The following CHRNB4 variants were observed in gnomAD, a reference collection of about 807,000 sequenced individuals.
The protein encoded by CHRNB4 is neuronal acetylcholine receptor subunit beta-4.
A neutral mutation model predicts 40.4 loss-of-function variants in CHRNB4; 23 were observed. The ratio of observed to expected loss-of-function variants is 0.57; its 90% CI spans 0.41 to 0.81. The LOEUF (loss-of-function observed/expected upper bound fraction) is 0.81. Ranked by LOEUF, CHRNB4 falls within the 30% of genes least tolerant of loss-of-function variation. The probability of loss-of-function intolerance (pLI) is 0.00; values close to 1 mark genes in which losing one functional copy is unlikely to be tolerated. For synonymous variants in CHRNB4, 285 were observed against 274.4 expected (o/e 1.04, Z -0.38); for missense variants, 568 against 670.6 (o/e 0.85, Z 1.69).
chr15:78,635,315 G>C (rs1246420094), intron 2 of CHRNB4, 124 bp downstream of exon 2: 1 of 1,197,554 alleles, frequency 8.4e-7, no homozygotes. Context: ...CAGCCTCCCT[G>C]ACACGTACTG....
upstream of CHRNB4, among the ~76,000 whole-genome samples, chr15:78,643,567 A>G (rs2054099505): frequency 6.6e-6 from 1 of 152,222 alleles, no homozygotes; most frequent in African/African-American, 2.4e-5. Context: ...AGGTTAATAC[A>G]TATGAAATTG....
chr15:78,640,966 T>C (rs2054059144), intron 1 of CHRNB4, 113 bp downstream of exon 1: 2 of 1,228,106 alleles, frequency 1.6e-6, no homozygotes, highest in Admixed American at 4.5e-5. Context: ...CGGGACAATC[T>C]CGGGCCACTC....
chr15:78,625,349 C>A, intron 5 of CHRNB4, 58 bp from the exon 6 acceptor site: 1 of 1,460,874 alleles, frequency 6.8e-7, no homozygotes, highest in South Asian at 1.4e-5. Context: ...CCTCCTTTCC[C>A]CGAGTCAGGC....
upstream of CHRNB4, chr15:78,641,375 C>G (rs1049825046): frequency 6.6e-6 from 3 of 455,196 alleles, no homozygotes; most frequent in Non-Finnish European, 1.1e-5. Flanking sequence ...GCTTCCCTAT[C>G]TCTTCGGGCC....
At position 78,624,894 on chromosome 15, in the gene CHRNB4, C is replaced by G; in HGVS notation, c.*239G>C. ...GCCCGGTGCAGGGAAGGAAGACAGG[C>G]CAGAATTGAACTGTCTGAAGCTCCC... On this transcript the variant is annotated 3_prime_UTR_variant, in exon 6 of 6. Coordinates refer to ENST00000261751, the MANE Select transcript of CHRNB4 (RefSeq NM_000750.5). 1 of 1,384,446 alleles carries G rather than the reference C, an allele frequency of 7.2e-7. No individual in the cohort carries two copies. The highest frequency in any genetic ancestry group is 1.5e-5 in the South Asian group (1 of 68,042). 85.8% of individuals were successfully genotyped at this position (1,384,446 alleles called of 1,614,324 possible). A position where few individuals can be genotyped will look rare whatever the true frequency, so the allele number is the denominator to read the frequency against.
intron 4 of CHRNB4, among the ~76,000 whole-genome samples, chr15:78,630,152 T>C (rs1367813977): frequency 6.6e-6 from 1 of 151,594 alleles, no homozygotes; most frequent in African/African-American, 2.4e-5. Context: ...CCTTTTTTTT[T>C]TTTTTGAGAC....
intron 1 of CHRNB4, among the ~76,000 whole-genome samples, chr15:78,635,960 T>C (rs2053940479): frequency 1.3e-5 from 2 of 151,980 alleles, no homozygotes. Context: ...CAGGCTGGAG[T>C]GCGGTGGTGT....
rs551427947 is a variant in CHRNB4, at chr15:78,631,430, G to A, written c.205-98C>T. ...AAAAGGCTGTGAGCTCCAGGCCCAC[G>A]TGACCAACTGCCACCCCAACATCTC... On this transcript the variant is annotated intron_variant, in intron 2 of 5. Coordinates refer to ENST00000261751, the MANE Select transcript of CHRNB4 (RefSeq NM_000750.5). 79 of 1,132,660 alleles carry A rather than the reference G, an allele frequency of 7.0e-5. 1 individual carries two copies. The highest frequency in any genetic ancestry group is 1.2e-4 in the African/African-American group (8 of 64,730). The allele number at this position is 1,132,660 out of a possible 1,614,324, so 70.2% of individuals were successfully genotyped here. A position where few individuals can be genotyped will look rare whatever the true frequency, so the allele number is the denominator to read the frequency against.
chr15:78,654,997 C>T (rs374630731), intron 5 of CHRNB4, among the ~76,000 whole-genome samples: 55 of 152,226 alleles, frequency 3.6e-4, no homozygotes, highest in African/African-American at 1.3e-3. Flanking sequence ...ATCAACTGCA[C>T]ATTTTAAAAA....
intron 6 of CHRNB4, among the ~76,000 whole-genome samples, chr15:78,650,782 G>A (rs572915450): frequency 6.6e-6 from 1 of 152,304 alleles, no homozygotes; most frequent in Non-Finnish European, 1.5e-5. Context: ...AAACGAGGAG[G>A]GGGAAGAACA....
At chr15:78,630,041 C>T in intron 4 of CHRNB4, 96 bp from the exon 5 acceptor site, 1 of 1,335,318 alleles carries the variant, frequency 7.5e-7, no homozygotes, top group South Asian at 1.7e-5. Context: ...GGATTATTTC[C>T]CACTAATCAC....
upstream of CHRNB4, among the ~76,000 whole-genome samples, chr15:78,644,267 T>C (rs2054106056): frequency 7.0e-6 from 1 of 142,186 alleles, no homozygotes; most frequent in African/African-American, 2.5e-5. Flanking sequence ...GGTCTGAATC[T>C]GTCTTCCAAA....
intron 1 of CHRNB4, among the ~76,000 whole-genome samples, chr15:78,638,667 G>A (rs371200695): frequency 1.3e-5 from 2 of 152,352 alleles, no homozygotes; most frequent in African/African-American, 4.8e-5. Context: ...TAAACAGCAG[G>A]GATACTGGGG....
chr15:78,652,873 G>A lies in CHRNB4; in HGVS notation c.-109-202C>T, dbSNP rs146210252. On this transcript the variant is annotated intron_variant and NMD_transcript_variant, in intron 5 of 11. Transcript: ENST00000559849. ...CAATAAATGCTCAGAAATGATGGCGGCACTAGGGGTGGTGGTGGAATGGGA... is the reference window on the plus strand; with the variant it reads ...CAATAAATGCTCAGAAATGATGGCGACACTAGGGGTGGTGGTGGAATGGGA... Among the ~76,000 whole-genome samples, 528 of 152,328 alleles carry A rather than the reference G, an allele frequency of 3.5e-3. 3 individuals carry two copies. The highest frequency in any genetic ancestry group is 0.012 in the African/African-American group (485 of 41,580).
upstream of CHRNB4, among the ~76,000 whole-genome samples, chr15:78,645,941 T>TC (rs1251855813): frequency 6.6e-6 from 1 of 151,626 alleles, no homozygotes; most frequent in Non-Finnish European, 1.5e-5. Context: ...ACACCTGTAG[T>TC]CCCAGCTACT....
Position 78,629,388 on chromosome 15 carries a change from A to T in CHRNB4, c.917T>A (p.Val306Asp). Residue 306 changes from valine (V) to aspartate (D), a missense_variant, in exon 5 of 6, where the codon GTC (valine) becomes GAC (aspartate). Around this residue, in one of 4 missense-constraint regions of CHRNB4, gnomAD observed 242 missense variants for 274.9 expected, o/e 0.88. Coordinates refer to ENST00000261751, the MANE Select transcript of CHRNB4 (RefSeq NM_000750.5). The surrounding 1 kb of genome is among the most constrained non-coding windows in gnomAD (Gnocchi z 6.8). ...GACGCTGGTGACGATGGAGAAGGTG[A>T]CCAGCACCATGGTGAACATGAGGTA... ...GKYLMFTMVL[V>D]TFSIVTSVCV... 6.2e-7 allele frequency: 1 copy of T among 1,614,136 alleles called. No homozygotes were observed.
Position 78,629,791 on chromosome 15 carries a change from G to A in CHRNB4, c.514C>T (p.Arg172Cys), listed in dbSNP as rs777719189. ...TCCGTGTGGTCATAGGTCCAGGAGC[G>A]GAACTTGAGGGTGCAGTTCTGCTGG... is the stretch of plus-strand genomic sequence containing the variant. ...FDQQNCTLKF[R>C]SWTYDHTEID... The change falls in exon 5 of 6, where the codon CGC becomes TGC. Residue 172 changes from arginine (R) to cysteine (C), a missense_variant. By Grantham distance (180) the Arg-to-Cys change is radical. Around this residue, in one of 4 missense-constraint regions of CHRNB4, gnomAD observed 127 missense variants for 167.4 expected, o/e 0.76. Coordinates refer to ENST00000261751, the MANE Select transcript of CHRNB4 (RefSeq NM_000750.5). The surrounding 1 kb of genome is among the most constrained non-coding windows in gnomAD (Gnocchi z 6.8). The A allele has an allele frequency of 1.4e-5, 23 of 1,614,104 alleles. No homozygotes were observed. The highest frequency in any genetic ancestry group is 3.3e-5 in the South Asian group (3 of 91,074).
chr15:78,660,689 T>A (rs576359237), upstream of CHRNB4: 2 of 193,464 alleles, frequency 1.0e-5, no homozygotes, highest in African/African-American at 4.7e-5. Context: ...CAGCCTTCGA[T>A]GCAGGAAATA....
At chr15:78,633,056 T>C (rs1352815700) in intron 2 of CHRNB4, among the ~76,000 whole-genome samples, 2 of 152,214 alleles carry the variant, frequency 1.3e-5, no homozygotes, top group Non-Finnish European at 2.9e-5. Flanking sequence ...TTTCCCAGCC[T>C]CACTTCACCT....
Sources: gnomAD v4.1 joint callset for allele counts (sites outside exome capture counted in the v4.1 genomes callset) on GRCh38, gnomAD v4.1.1 for gene constraint, gnomAD v4.1.1 regional missense constraint, Gnocchi (gnomAD v3.1) non-coding constraint, MANE v1.5 for transcripts, NCBI Gene and HGNC (gene_info 2026-07-23, HGNC 2026-07-21) for gene names.